The following MECOM variants were observed in gnomAD, a reference collection of about 807,000 sequenced individuals.
The protein encoded by MECOM is MDS1 and EVI1 complex locus.
A neutral mutation model predicts 116.3 loss-of-function variants in MECOM; 13 were observed. The ratio of observed to expected loss-of-function variants is 0.11; its 90% CI spans 0.07 to 0.18. The LOEUF is 0.18. MECOM is among the 10% of genes least tolerant of loss of function. The pLI, the probability that MECOM is intolerant of heterozygous loss-of-function variation, is 1.00. For missense variants in MECOM, 1,299 were observed against 1,509.0 expected, an observed-to-expected ratio of 0.86 and a Z score of 2.31; for synonymous variants, 528 against 535.2, an observed-to-expected ratio of 0.99 and a Z score of 0.19.
At chr3:169,141,299 A>G (rs1738035349) in intron 3 of MECOM, among the ~76,000 whole-genome samples, 1 of 152,018 alleles carries the variant, frequency 6.6e-6, no homozygotes, top group South Asian at 2.1e-4. Flanking sequence ...AGCAAAGAGA[A>G]ACACTTTTTA....
intron 1 of MECOM, among the ~76,000 whole-genome samples, chr3:169,398,440 T>C (rs1430439): frequency 0.18 from 26,885 of 152,174 alleles, 2,858 homozygotes; most frequent in East Asian, 0.25. Flanking sequence ...CTCCCAATAA[T>C]ACTTTATCCT....
At chr3:169,472,929 A>G in intron 1 of MECOM, 1 of 972,654 alleles carries the variant, frequency 1.0e-6, no homozygotes, top group Non-Finnish European at 1.2e-6. Context: ...CAATCAAAAT[A>G]TTTACTAGGC....
Position 169,121,152 on chromosome 3 carries a change from G to C in MECOM, c.1036C>G (p.Arg346Gly). Residue 346 changes from arginine (R) to glycine (G), a missense_variant, in exon 7 of 17, where the codon CGG (arginine) becomes GGG (glycine). Around this residue, in one of 6 missense-constraint regions of MECOM, gnomAD observed 374 missense variants for 433.4 expected, o/e 0.86. Coordinates refer to ENST00000651503, the MANE Select transcript of MECOM (RefSeq NM_004991.4). The part of the protein sequence containing the change: ...RHIRSQHVGA[R>G]AHACPECGKT... ...CCACACTCCGGGCATGCATGGGCCC[G>C]GGCACCGACATGCTGAGAGCGAATG... 3 of 1,613,346 alleles carry C rather than the reference G, an allele frequency of 1.9e-6. No homozygotes were observed. The highest frequency in any genetic ancestry group is 2.5e-6 in the Non-Finnish European group (3 of 1,179,740).
At chr3:169,589,385 G>A (rs992373082) in intron 1 of MECOM, among the ~76,000 whole-genome samples, 9 of 151,900 alleles carry the variant, frequency 5.9e-5, no homozygotes, top group Non-Finnish European at 1.0e-4. Flanking sequence ...TTGACAATAG[G>A]CCAAATTCGG....
intron 2 of MECOM, among the ~76,000 whole-genome samples, chr3:169,340,685 A>G (rs922859414): frequency 1.3e-5 from 2 of 152,216 alleles, no homozygotes; most frequent in African/African-American, 4.8e-5. Flanking sequence ...CACAATTAAA[A>G]TGTTTTAAAA....
At chr3:169,458,178 T>C (rs1178134040) in intron 1 of MECOM, among the ~76,000 whole-genome samples, 1 of 152,190 alleles carries the variant, frequency 6.6e-6, no homozygotes. Flanking sequence ...ACTCAGGTTA[T>C]GAGCTAGGAG....
chr3:169,521,258 C>T (rs1757320788), intron 1 of MECOM, among the ~76,000 whole-genome samples: 1 of 152,136 alleles, frequency 6.6e-6, no homozygotes, highest in Non-Finnish European at 1.5e-5. Flanking sequence ...CTTCCCTACT[C>T]CTTACAGCTT....
intron 2 of MECOM, among the ~76,000 whole-genome samples, chr3:169,353,584 T>G (rs1726755080): frequency 6.6e-6 from 1 of 151,816 alleles, no homozygotes. Context: ...ATTCAGAATC[T>G]TTTCCAAAAG....
chr3:169,594,980 G>A (rs1017147147), intron 1 of MECOM, among the ~76,000 whole-genome samples: 56 of 151,232 alleles, frequency 3.7e-4, no homozygotes, highest in African/African-American at 1.3e-3. Context: ...TCTTTTAAGT[G>A]AATTGGTTGA....
intron 1 of MECOM, among the ~76,000 whole-genome samples, chr3:169,400,074 G>GC (rs1162074404): frequency 2.0e-5 from 3 of 152,144 alleles, no homozygotes; most frequent in Admixed American, 6.5e-5. Context: ...GAAATTTGAC[G>GC]TTCATTTTAA....
At chr3:169,403,687 T>C (rs1319234465) in intron 1 of MECOM, among the ~76,000 whole-genome samples, 1 of 152,194 alleles carries the variant, frequency 6.6e-6, no homozygotes, top group Non-Finnish European at 1.5e-5. Flanking sequence ...TACCACTTCA[T>C]AGCCATTGAA....
intron 2 of MECOM, among the ~76,000 whole-genome samples, chr3:169,154,423 A>C (rs1359147588): frequency 2.4e-5 from 1 of 41,230 alleles, no homozygotes; most frequent in Non-Finnish European, 4.7e-5. Context: ...TGTTTGTTGA[A>C]AAAAAAATGG....
intron 1 of MECOM, among the ~76,000 whole-genome samples, chr3:169,406,651 C>A (rs1044496418): frequency 6.6e-6 from 1 of 152,092 alleles, no homozygotes; most frequent in Non-Finnish European, 1.5e-5. Flanking sequence ...ACGCATTTTA[C>A]ATCATTATCT....
At chr3:169,655,691 G>A (rs1775458218) in intron 1 of MECOM, among the ~76,000 whole-genome samples, 1 of 152,002 alleles carries the variant, frequency 6.6e-6, no homozygotes, top group South Asian at 2.1e-4. Context: ...TTCATTCTGA[G>A]GGCATAATTT....
intron 2 of MECOM, among the ~76,000 whole-genome samples, chr3:169,257,317 A>G (rs1270362639): frequency 6.6e-6 from 1 of 152,190 alleles, no homozygotes; most frequent in Admixed American, 6.5e-5. Context: ...AATAATAATA[A>G]TAGCCTCTAG....
chr3:169,493,862 G>A (rs983543515), intron 1 of MECOM, among the ~76,000 whole-genome samples: 3 of 152,152 alleles, frequency 2.0e-5, no homozygotes, highest in African/African-American at 7.2e-5. Context: ...AAGGCCTGAA[G>A]GGAAGGAACC....
chr3:169,481,797 G>A (rs1168166308), intron 1 of MECOM, among the ~76,000 whole-genome samples: 3 of 152,034 alleles, frequency 2.0e-5, no homozygotes, highest in Admixed American at 6.5e-5. Context: ...TCCATGGTGA[G>A]GTGTTAGCTT....
chr3:169,125,749 T>C (rs1732609329), intron 5 of MECOM, among the ~76,000 whole-genome samples: 1 of 152,164 alleles, frequency 6.6e-6, no homozygotes, highest in South Asian at 2.1e-4. Flanking sequence ...TATCTCAATC[T>C]ATAGAGCCTT....
intron 1 of MECOM, among the ~76,000 whole-genome samples, chr3:169,471,880 A>G (rs1254700409): frequency 6.6e-6 from 1 of 152,176 alleles, no homozygotes; most frequent in Non-Finnish European, 1.5e-5. Context: ...ACTTACTTTG[A>G]TGATGTGCAT....
Sources: allele counts gnomAD v4.1 joint callset (sites outside exome capture counted in the v4.1 genomes callset), GRCh38; gene constraint gnomAD v4.1.1; regional missense constraint gnomAD v4.1.1; transcripts MANE v1.5; gene names NCBI Gene and HGNC (gene_info 2026-07-23, HGNC 2026-07-21).